FAM135B: variants seen among roughly 807,000 people sequenced by gnomAD.
FAM135B encodes the protein family with sequence similarity 135 member B, also known as protein FAM135B.
A neutral mutation model predicts 127.7 loss-of-function variants in FAM135B; 43 were observed. That is an observed-to-expected ratio of 0.34 (90% CI 0.26 to 0.43). The LOEUF is 0.43. Ranked by LOEUF, FAM135B falls within the 20% of genes least tolerant of loss-of-function variation. The pLI is 1.00. For synonymous variants in FAM135B, 670 were observed against 665.1 expected, an observed-to-expected ratio of 1.01 and a Z score of -0.11; for missense variants, 1,558 against 1,725.6, an observed-to-expected ratio of 0.90 and a Z score of 1.72.
chr8:138,145,811 T>C (rs1038945321), intron 15 of FAM135B, 148 bp downstream of exon 15: 1 of 547,978 alleles, frequency 1.8e-6, no homozygotes, highest in Admixed American at 3.4e-5. Flanking sequence ...CAGTCTCTTC[T>C]TTCCAACCCA....
At chr8:138,445,643 G>A (rs1405937932) in intron 1 of FAM135B, among the ~76,000 whole-genome samples, 2 of 152,138 alleles carry the variant, frequency 1.3e-5, no homozygotes, top group Non-Finnish European at 2.9e-5. Context: ...AGGTATTGAT[G>A]GGACGTATCT....
chr8:138,229,689 G>A (rs916975233), intron 7 of FAM135B, among the ~76,000 whole-genome samples: 1 of 152,106 alleles, frequency 6.6e-6, no homozygotes, highest in Admixed American at 6.5e-5. Flanking sequence ...AGAACTGCCC[G>A]AGACTGGGTA....
Position 138,152,207 on chromosome 8 carries a change from C to T in FAM135B, c.2268G>A (p.Glu756=), listed in dbSNP as rs559502757. The part of the protein sequence containing the change: ...SLTSISSLPF[E]EDEREVALTK... ...TGAGTGCCACCTCCCGCTCATCCTC[C>T]TCAAAAGGTAAAGAGCTAATGGAGG... Residue 756 remains glutamate, a synonymous_variant, in exon 13 of 20, where the codon GAG becomes GAA. Coordinates refer to ENST00000395297, the MANE Select transcript of FAM135B (RefSeq NM_015912.4). The T allele has an allele frequency of 1.1e-5, 17 of 1,614,140 alleles. No individual in the cohort carries two copies. Among genetic ancestry groups the T allele is most frequent in the Middle Eastern group, 1.6e-4 (1 of 6,062 alleles).
intron 1 of FAM135B, among the ~76,000 whole-genome samples, chr8:138,466,876 C>T (rs1837409534): frequency 6.6e-6 from 1 of 152,124 alleles, no homozygotes; most frequent in African/African-American, 2.4e-5. Flanking sequence ...TTTATACAAA[C>T]TTTACTTTGA....
chr8:138,264,674 A>C (rs527478746), intron 4 of FAM135B, among the ~76,000 whole-genome samples: 3 of 152,326 alleles, frequency 2.0e-5, no homozygotes, highest in African/African-American at 7.2e-5. Context: ...GTACTCAATA[A>C]ATTTTTGAAA....
chr8:138,277,571 T>G (rs1260617441), intron 3 of FAM135B, among the ~76,000 whole-genome samples: 3 of 152,226 alleles, frequency 2.0e-5, no homozygotes, highest in African/African-American at 7.2e-5. Context: ...AACTTCTGCA[T>G]GTAAGCCCCT....
rs1314777057 is a variant in FAM135B at position 138,497,114 on chromosome 8, C to T, written c.-463G>A. Among the ~76,000 whole-genome samples the T allele has an allele frequency of 2.0e-5, 3 of 151,590 alleles. No homozygotes were observed. Among genetic ancestry groups the T allele is most frequent in the Admixed American group, 6.6e-5 (1 of 15,218 alleles). On this transcript the variant is annotated 5_prime_UTR_variant, in exon 1 of 20. Coordinates refer to ENST00000395297, the MANE Select transcript of FAM135B (RefSeq NM_015912.4). Reference sequence around the variant, plus strand: ...TCCCGGGCTGCGCTCACCTCTGGCGCCCTCACTCCTCTCCTTCCTCCGCCG... The same window carrying T: ...TCCCGGGCTGCGCTCACCTCTGGCGTCCTCACTCCTCTCCTTCCTCCGCCG...
chr8:138,191,955 T>C (rs16908516), intron 9 of FAM135B, among the ~76,000 whole-genome samples: 3,221 of 152,306 alleles, frequency 0.021, 104 homozygotes, highest in African/African-American at 0.073. Context: ...CTCCTGGGCT[T>C]GCATCACACT....
At chr8:138,495,413 T>C (rs1264779799) in intron 1 of FAM135B, among the ~76,000 whole-genome samples, 3 of 152,178 alleles carry the variant, frequency 2.0e-5, no homozygotes, top group African/African-American at 7.2e-5. Flanking sequence ...ACATCATCCA[T>C]ATTATGACAT....
chr8:138,470,788 C>T (rs1213401915), intron 1 of FAM135B, among the ~76,000 whole-genome samples: 1 of 152,192 alleles, frequency 6.6e-6, no homozygotes, highest in African/African-American at 2.4e-5. Context: ...TCCCTCAAGA[C>T]ACTGGTCACA....
chr8:138,343,352 G>A (rs148962431), intron 2 of FAM135B, among the ~76,000 whole-genome samples: 1 of 152,298 alleles, frequency 6.6e-6, no homozygotes, highest in African/African-American at 2.4e-5. Flanking sequence ...GCCAAACCCA[G>A]GCAAAGACAC....
At chr8:138,148,203 ATTCT>A (rs920971246) in intron 14 of FAM135B, among the ~76,000 whole-genome samples, 1 of 152,134 alleles carries the variant, frequency 6.6e-6, no homozygotes, top group Non-Finnish European at 1.5e-5. Context: ...CATTCACTCC[ATTCT>A]TTCTTTCACT....
intron 1 of FAM135B, among the ~76,000 whole-genome samples, chr8:138,428,355 G>C (rs749546979): frequency 3.3e-5 from 5 of 152,020 alleles, no homozygotes; most frequent in Non-Finnish European, 5.9e-5. Context: ...GCTAGTAATT[G>C]ACTACTGAAA....
At chr8:138,454,993 G>A (rs1836698783) in intron 1 of FAM135B, among the ~76,000 whole-genome samples, 1 of 152,214 alleles carries the variant, frequency 6.6e-6, no homozygotes, top group African/African-American at 2.4e-5. Flanking sequence ...TAACAGATGA[G>A]CACTGACTTA....
intron 12 of FAM135B, among the ~76,000 whole-genome samples, chr8:138,163,975 T>C (rs1819659224): frequency 6.6e-6 from 1 of 152,172 alleles, no homozygotes; most frequent in African/African-American, 2.4e-5. Context: ...ACTACAGGTG[T>C]GAGCCACCAT....
At chr8:138,395,888 A>G (rs1403336404) in intron 1 of FAM135B, among the ~76,000 whole-genome samples, 1 of 152,232 alleles carries the variant, frequency 6.6e-6, no homozygotes, top group African/African-American at 2.4e-5. Context: ...GGTGATTAAA[A>G]TAATCTGCAA....
chr8:138,380,798 G>C (rs1354100498), intron 1 of FAM135B, among the ~76,000 whole-genome samples: 9 of 147,266 alleles, frequency 6.1e-5, no homozygotes, highest in Non-Finnish European at 1.3e-4. Context: ...CTTCCTATAA[G>C]ATCTAAAGTT....
At chr8:138,349,419 T>C (rs1482656531) in intron 2 of FAM135B, among the ~76,000 whole-genome samples, 1 of 152,220 alleles carries the variant, frequency 6.6e-6, no homozygotes, top group Non-Finnish European at 1.5e-5. Context: ...TGTTTACTCA[T>C]GTGTAAAACA....
intron 2 of FAM135B, 144 bp from the exon 3 acceptor site, chr8:138,311,064 A>G: frequency 1.6e-6 from 1 of 629,922 alleles, no homozygotes; most frequent in Non-Finnish European, 2.7e-6. Context: ...TCAATGAGAA[A>G]TGCATTTTAT....
Sources: gnomAD v4.1 joint callset for allele counts (sites outside exome capture counted in the v4.1 genomes callset) on GRCh38, gnomAD v4.1.1 for gene constraint, MANE v1.5 for transcripts, NCBI Gene and HGNC (gene_info 2026-07-23, HGNC 2026-07-21) for gene names.